CACNA1E: variants seen among roughly 807,000 people sequenced by gnomAD.
The protein encoded by CACNA1E is voltage-dependent R-type calcium channel subunit alpha-1E.
A neutral mutation model predicts 259.2 loss-of-function variants in CACNA1E; 40 were observed. The observed-to-expected ratio is 0.15, with a 90% CI of 0.12 to 0.20. CACNA1E has a LOEUF of 0.20. CACNA1E is among the 10% of genes least tolerant of loss of function. CACNA1E has a pLI of 1.00. For synonymous variants in CACNA1E, 1,104 were observed against 1,138.5 expected (o/e 0.97, Z 0.61); for missense variants, 1,874 against 3,040.1 (o/e 0.62, Z 9.02).
chr1:181,491,557 C>T (rs1272008768), intron 1 of CACNA1E, among the ~76,000 whole-genome samples: 1 of 152,206 alleles, frequency 6.6e-6, no homozygotes, highest in East Asian at 1.9e-4. Context: ...TGATGCATTT[C>T]CTCATCCCAA....
At chr1:181,725,792 C>T (rs1183450577) in intron 17 of CACNA1E, among the ~76,000 whole-genome samples, 2 of 152,232 alleles carry the variant, frequency 1.3e-5, no homozygotes, top group Non-Finnish European at 2.9e-5. Flanking sequence ...GTAGACTTCT[C>T]CTGGTTCTCA....
chr1:181,607,378 T>C (rs1271551784), intron 6 of CACNA1E, among the ~76,000 whole-genome samples: 2 of 152,222 alleles, frequency 1.3e-5, no homozygotes, highest in African/African-American at 4.8e-5. Context: ...TAAATTTTGT[T>C]GTCACACTCA....
At chr1:181,489,794 G>C (rs748194500) in intron 1 of CACNA1E, among the ~76,000 whole-genome samples, 20 of 152,150 alleles carry the variant, frequency 1.3e-4, no homozygotes, top group Non-Finnish European at 2.5e-4. Context: ...GGGTAGTTAT[G>C]GGGACCAGGC....
At chr1:181,345,982 G>A (rs1652562047) in intron 1 of CACNA1E, among the ~76,000 whole-genome samples, 1 of 152,218 alleles carries the variant, frequency 6.6e-6, no homozygotes. Flanking sequence ...GCAGGACCAG[G>A]TGTTTCTGAG....
chr1:181,549,139 C>G (rs540544433), intron 3 of CACNA1E, among the ~76,000 whole-genome samples: 74 of 152,300 alleles, frequency 4.9e-4, no homozygotes, highest in African/African-American at 1.8e-3. Flanking sequence ...CCTAAAGCCA[C>G]AGGGATGGTG....
chr1:181,648,507 A>G (rs1658484779), intron 6 of CACNA1E, among the ~76,000 whole-genome samples: 1 of 152,186 alleles, frequency 6.6e-6, no homozygotes, highest in Non-Finnish European at 1.5e-5. Context: ...GTGTTTATGA[A>G]ATGGTGGAAT....
chr1:181,509,777 G>A (rs925546379), intron 1 of CACNA1E, among the ~76,000 whole-genome samples: 2 of 152,142 alleles, frequency 1.3e-5, no homozygotes, highest in Non-Finnish European at 2.9e-5. Flanking sequence ...ACTGGACTTT[G>A]CTGTCCAGGA....
rs986128494 is a variant in CACNA1E at position 181,434,321 on chromosome 1, T to A, written c.434+20741T>A. ...CCCTATTTTTGGACACTTAAGTGGCTTAATTTTTTTTACTATTATAAATTA... is the reference window on the plus strand; with the variant it reads ...CCCTATTTTTGGACACTTAAGTGGCATAATTTTTTTTACTATTATAAATTA... On this transcript the variant is annotated intron_variant, in intron 2 of 11. Coordinates refer to the CACNA1E transcript ENST00000524607. Among the ~76,000 whole-genome samples the A allele has an allele frequency of 1.4e-4, 21 of 152,246 alleles. 1 individual carries two copies. Among genetic ancestry groups the A allele is most frequent in the Non-Finnish European group, 1.5e-5 (1 of 68,046 alleles).
intron 1 of CACNA1E, among the ~76,000 whole-genome samples, chr1:181,385,669 A>T (rs1401411483): frequency 2.6e-5 from 4 of 152,010 alleles, no homozygotes; most frequent in African/African-American, 9.7e-5. Flanking sequence ...TGAATCCGTC[A>T]TTTCTGCCCC....
intron 2 of CACNA1E, among the ~76,000 whole-genome samples, chr1:181,442,595 C>T (rs1660571114): frequency 6.6e-6 from 1 of 150,758 alleles, no homozygotes; most frequent in South Asian, 2.1e-4. Flanking sequence ...CTGTTGGGGG[C>T]AGGCCAGCAC....
chr1:181,725,559 G>A (rs1372776901), intron 17 of CACNA1E, among the ~76,000 whole-genome samples: 1 of 152,210 alleles, frequency 6.6e-6, no homozygotes, highest in African/African-American at 2.4e-5. Context: ...GACACTTGCA[G>A]GAATGCTGCT....
At chr1:181,374,698 C>T (rs879497896) in intron 1 of CACNA1E, among the ~76,000 whole-genome samples, 7 of 152,098 alleles carry the variant, frequency 4.6e-5, no homozygotes, top group African/African-American at 7.2e-5. Context: ...AACGCCTGAG[C>T]TCAAGTGATC....
intron 6 of CACNA1E, among the ~76,000 whole-genome samples, chr1:181,612,193 G>C (rs1654810312): frequency 1.3e-5 from 2 of 152,210 alleles, no homozygotes; most frequent in South Asian, 2.1e-4. Flanking sequence ...CATCTGTAGG[G>C]AAGAGGGAGC....
chr1:181,636,541 G>A (rs80280348), intron 6 of CACNA1E, among the ~76,000 whole-genome samples: 4,233 of 152,268 alleles, frequency 0.028, 95 homozygotes, highest in Non-Finnish European at 0.046. Flanking sequence ...AATGGATGGG[G>A]GCTGGACCTC....
chr1:181,413,534 G>GCGCACAAGA (rs1251367980), exon 2 of CACNA1E: 2 of 152,438 alleles, frequency 1.3e-5, no homozygotes, highest in Non-Finnish European at 2.9e-5. Context: ...GGCCCACGAG[G>GCGCACAAGA]CGCACAAGAT....
chr1:181,461,054 C>T (rs1370475398), intron 2 of CACNA1E, among the ~76,000 whole-genome samples: 8 of 152,152 alleles, frequency 5.3e-5, no homozygotes, highest in African/African-American at 1.9e-4. Context: ...CAACCTTAGC[C>T]CTCACCTGGT....
intron 1 of CACNA1E, among the ~76,000 whole-genome samples, chr1:181,380,873 A>G (rs1282263824): frequency 6.6e-6 from 1 of 152,252 alleles, no homozygotes; most frequent in Non-Finnish European, 1.5e-5. Flanking sequence ...TAATGAAAGT[A>G]TATGTCCATA....
chr1:181,680,681 A>G (rs1649869218), intron 7 of CACNA1E, among the ~76,000 whole-genome samples: 1 of 152,048 alleles, frequency 6.6e-6, no homozygotes. Flanking sequence ...ACCACACCCC[A>G]TCCCTGTCCT....
Position 181,732,905 on chromosome 1 carries a change from G to A in CACNA1E, c.2819G>A (p.Arg940Lys). Residue 940 changes from arginine to lysine, a missense_variant, in exon 20 of 48, where the codon AGG becomes AAG. Arg to Lys is a conservative substitution (Grantham distance 26). Around this residue, in one of 14 missense-constraint regions of CACNA1E, gnomAD observed 476 missense variants for 514.0 expected, o/e 0.93. Coordinates refer to ENST00000367573, the MANE Select transcript of CACNA1E (RefSeq NM_001205293.3). This position sits in a 1 kb window ranked among gnomAD's most constrained non-coding sequence, Gnocchi z 5.5. ...GAGTCCTCTTCAGCCTCCCGGAGCA[G>A]GTCTGCCAGCCAGGAACGCAGTCTG... ...GKESSSASRS[R>K]SASQERSLDE... The A allele has an allele frequency of 6.2e-7, 1 of 1,613,922 alleles. No homozygotes were observed. Among genetic ancestry groups the A allele is most frequent in the South Asian group, 1.1e-5 (1 of 91,076 alleles).
Sources: gnomAD v4.1 joint callset for allele counts (sites outside exome capture counted in the v4.1 genomes callset) on GRCh38, gnomAD v4.1.1 for gene constraint, gnomAD v4.1.1 regional missense constraint, Gnocchi (gnomAD v3.1) non-coding constraint, MANE v1.5 for transcripts, NCBI Gene and HGNC (gene_info 2026-07-23, HGNC 2026-07-21) for gene names.